DNAH11: variants seen among roughly 807,000 people sequenced by gnomAD.
DNAH11 encodes axonemal beta dynein heavy chain 11.
DNAH11 carries 442 observed loss-of-function variants against 526.0 expected under a neutral mutation model. The observed-to-expected ratio is 0.84, with a 90% CI of 0.78 to 0.91. The LOEUF is 0.91. DNAH11 is among the 40% of genes least tolerant of loss of function. The pLI is 0.00. For synonymous variants in DNAH11, 2,461 were observed against 1,935.9 expected (o/e 1.27, Z -7.12); for missense variants, 6,989 against 5,448.7 (o/e 1.28, Z -8.90).
At position 21,754,865 on chromosome 7, in the gene DNAH11, T is replaced by C. The variant is rs368328919; in HGVS notation, c.8940+4501T>C. The stretch of plus-strand genomic sequence containing the variant: ...GCCTGAAAATACCAGCTTCTTTCTT[T>C]TAATTTATGTATGTTACCCCCACAT... On this transcript the variant is annotated intron_variant, in intron 54 of 81. Coordinates refer to ENST00000409508, the MANE Select transcript of DNAH11 (RefSeq NM_001277115.2). 2.0e-5 allele frequency among the ~76,000 whole-genome samples: 3 copies of C among 152,278 alleles called. No individual in the cohort carries two copies. The East Asian group carries it at 5.8e-4, about 29-fold the overall frequency.
chr7:21,678,456 C>G (rs1459182936), intron 30 of DNAH11, among the ~76,000 whole-genome samples: 1 of 152,040 alleles, frequency 6.6e-6, no homozygotes, highest in Non-Finnish European at 1.5e-5. Context: ...ATTACTATAG[C>G]TTTGTAATAT....
In DNAH11 at chr7:21,867,892, T is replaced by C. The variant is rs767577525; in HGVS notation, c.11724T>C (p.Tyr3908=). Residue 3908 remains tyrosine (Y), a synonymous_variant, in exon 72 of 82, where the codon TAT becomes TAC. Coordinates refer to ENST00000409508, the MANE Select transcript of DNAH11 (RefSeq NM_001277115.2). ...TAGAGGAAAAACTGGGTGCGAAGTATGTGGAGAGGACCAGATTGGACTTAG... is the reference window on the plus strand; with the variant it reads ...TAGAGGAAAAACTGGGTGCGAAGTACGTGGAGAGGACCAGATTGGACTTAG... ...NFVEEKLGAK[Y]VERTRLDLVK... The C allele has an allele frequency of 1.1e-5, 18 of 1,580,246 alleles. No individual in the cohort carries two copies. Among genetic ancestry groups the C allele is most frequent in the Non-Finnish European group, 1.5e-5 (18 of 1,161,746 alleles).
chr7:21,654,744 G>T (rs571730999), intron 28 of DNAH11, among the ~76,000 whole-genome samples: 1 of 151,920 alleles, frequency 6.6e-6, no homozygotes, highest in Non-Finnish European at 1.5e-5. Flanking sequence ...CTTCTGGGCC[G>T]CCCCTGCCCT....
At chr7:21,887,670 A>G (rs1045569496) in intron 76 of DNAH11, among the ~76,000 whole-genome samples, 2 of 152,216 alleles carry the variant, frequency 1.3e-5, no homozygotes, top group East Asian at 1.9e-4. Context: ...TCTTTTTATT[A>G]TAAAGTATAC....
chr7:21,866,666 G>A lies in DNAH11; in HGVS notation c.11690+3G>A. ...GACAGAATGACGTATGCTCTCAGGTGGGGTGGTCAGCATTTTTGGAAACAT... is the reference window on the plus strand; with the variant it reads ...GACAGAATGACGTATGCTCTCAGGTAGGGTGGTCAGCATTTTTGGAAACAT... On this transcript the variant is annotated splice_donor_region_variant and intron_variant, in intron 71 of 81. Coordinates refer to ENST00000409508, the MANE Select transcript of DNAH11 (RefSeq NM_001277115.2). 1 of 1,602,496 alleles carries A rather than the reference G, an allele frequency of 6.2e-7. No homozygotes were observed.
intron 76 of DNAH11, among the ~76,000 whole-genome samples, chr7:21,885,184 A>C (rs796896864): frequency 1.2e-4 from 18 of 147,510 alleles, no homozygotes; most frequent in African/African-American, 4.4e-4. Flanking sequence ...AAAAAAAAAA[A>C]AAAACACACA....
At chr7:21,579,855 A>G (rs997646673) in intron 8 of DNAH11, among the ~76,000 whole-genome samples, 2 of 152,212 alleles carry the variant, frequency 1.3e-5, no homozygotes, top group African/African-American at 2.4e-5. Flanking sequence ...GTAGTTAGAA[A>G]GTGATTAACA....
intron 68 of DNAH11, among the ~76,000 whole-genome samples, chr7:21,856,252 C>G (rs1003404309): frequency 6.6e-6 from 1 of 152,070 alleles, no homozygotes; most frequent in African/African-American, 2.4e-5. Context: ...GATGTGATGA[C>G]AAAAGACTCA....
chr7:21,811,181 A>G (rs1249173265), intron 63 of DNAH11, among the ~76,000 whole-genome samples: 1 of 152,062 alleles, frequency 6.6e-6, no homozygotes, highest in African/African-American at 2.4e-5. Context: ...AGCCAGTCAC[A>G]GCTGGACCTG....
intron 28 of DNAH11, among the ~76,000 whole-genome samples, chr7:21,640,525 A>G (rs529825587): frequency 1.2e-4 from 17 of 144,940 alleles, no homozygotes; most frequent in Non-Finnish European, 2.4e-4. Flanking sequence ...TTTTAATCAT[A>G]TTATTTAAAT....
rs187018897 is a variant in DNAH11 at position 21,771,804 on chromosome 7, G to A, written c.9103-1962G>A. 8.6e-5 allele frequency among the ~76,000 whole-genome samples: 13 copies of A among 151,954 alleles called. No homozygotes were observed. In the East Asian group the frequency reaches 2.1e-3, roughly 25 times the overall value. On this transcript the variant is annotated intron_variant, in intron 55 of 81. Transcript: ENST00000409508. ...TACAGCATTGCGTAGCCCTCGCTGC[G>A]GCAGCACCAGCAGCAACTCCTCTCA...
chr7:21,861,797 A>G lies in DNAH11; in HGVS notation c.11203-56A>G. 1.9e-6 allele frequency: 3 copies of G among 1,595,462 alleles called. No individual in the cohort carries two copies. The South Asian group carries it at 3.4e-5, about 18-fold the overall frequency. ...AACTGTTGCCCTGTGTATCGGGGGTAGCTAGACATCCAGGCACCAGTTGTC... is the reference window on the plus strand; with the variant it reads ...AACTGTTGCCCTGTGTATCGGGGGTGGCTAGACATCCAGGCACCAGTTGTC... On this transcript the variant is annotated intron_variant, in intron 68 of 81. Transcript: ENST00000409508.
intron 34 of DNAH11, among the ~76,000 whole-genome samples, chr7:21,688,315 A>C (rs987878582): frequency 6.6e-6 from 1 of 152,192 alleles, no homozygotes; most frequent in Admixed American, 6.5e-5. Context: ...GATTAAATGC[A>C]AAGTACCTGG....
intron 7 of DNAH11, chr7:21,570,832 CACAT>C (rs1783857158): frequency 6.6e-6 from 1 of 150,576 alleles, no homozygotes; most frequent in Admixed American, 6.6e-5. Context: ...AAAAATTAAA[CACAT>C]ACAACCTACA....
At chr7:21,556,301 T>A (rs79759679) in intron 2 of DNAH11, among the ~76,000 whole-genome samples, 1,777 of 152,300 alleles carry the variant, frequency 0.012, 58 homozygotes, top group South Asian at 0.081. Context: ...CTGCCAGTAT[T>A]TAGATTTACT....
chr7:21,800,149 C>T (rs144523964), intron 61 of DNAH11, among the ~76,000 whole-genome samples: 12 of 152,312 alleles, frequency 7.9e-5, no homozygotes, highest in African/African-American at 2.4e-4. Flanking sequence ...TGTGACTTCT[C>T]ATCTTGCTTC....
Position 21,854,235 on chromosome 7 carries a change from G to T in DNAH11, c.11062-80G>T, listed in dbSNP as rs1043805559. ...TAATACTCATAATTTTTCATTTCAG[G>T]TACGTCCTTCCATTCCTTGGATATG... On this transcript the variant is annotated intron_variant, in intron 67 of 81. Coordinates refer to ENST00000409508, the MANE Select transcript of DNAH11 (RefSeq NM_001277115.2). 1.6e-5 allele frequency: 24 copies of T among 1,480,144 alleles called. No homozygotes were observed. In the East Asian group the frequency reaches 1.7e-4, roughly 10 times the overall value. 91.7% of individuals were successfully genotyped at this position (1,480,144 alleles called of 1,614,324 possible). A position where few individuals can be genotyped will look rare whatever the true frequency, so the allele number is the denominator to read the frequency against.
In DNAH11 at chr7:21,589,198, AT is replaced by A. The variant is rs770214267; in HGVS notation, c.1974-8del. The A allele has an allele frequency of 6.3e-7, 1 of 1,586,312 alleles. No homozygotes were observed. The highest frequency in any genetic ancestry group is 1.9e-5 in the Admixed American group (1 of 51,882). ...ACGTATAAACCAGTAGAAAAACCTT[AT>A]TCCTACAGATTTTTGGGCAATCCTG... On this transcript the variant is annotated splice_polypyrimidine_tract_variant and intron_variant, in intron 11 of 81. Coordinates refer to ENST00000409508, the MANE Select transcript of DNAH11 (RefSeq NM_001277115.2).
chr7:21,718,799 A>C (rs968254246), intron 43 of DNAH11, among the ~76,000 whole-genome samples: 3 of 152,200 alleles, frequency 2.0e-5, no homozygotes, highest in African/African-American at 7.2e-5. Flanking sequence ...TGTGTTACCA[A>C]ATTTGTTTGA....
Sources: allele counts gnomAD v4.1 joint callset (sites outside exome capture counted in the v4.1 genomes callset), GRCh38; gene constraint gnomAD v4.1.1; transcripts MANE v1.5; gene names NCBI Gene and HGNC (gene_info 2026-07-23, HGNC 2026-07-21).